NECAB3: variants seen among roughly 807,000 people sequenced by gnomAD.
NECAB3 encodes N-terminal EF-hand calcium-binding protein 3.
Under a neutral mutation model 57.2 loss-of-function variants are expected in NECAB3, and 38 were observed. The ratio of observed to expected loss-of-function variants is 0.66; its 90% confidence interval spans 0.51 to 0.87. NECAB3 has a LOEUF of 0.87. NECAB3 is among the 40% of genes least tolerant of loss of function. NECAB3 has a pLI of 0.00. For missense variants in NECAB3, 474 were observed against 527.5 expected (o/e 0.90, Z 0.99); for synonymous variants, 223 against 222.6 (o/e 1.00, Z -0.02).
rs531741233 is a variant in NECAB3, at chr20:33,667,459, G to A, written c.387+1916C>T. 477 of 1,431,152 alleles carry A rather than the reference G, an allele frequency of 3.3e-4. 13 individuals carry two copies. In the Admixed American group the frequency reaches 0.013, roughly 40 times the overall value. The allele number at this position is 1,431,152 out of a possible 1,614,324, so 88.7% of individuals were successfully genotyped here. On this transcript the variant is annotated intron_variant, in intron 5 of 11. Transcript: ENST00000246190. ...GCCCGCGGGCCGCGAAAGGGTGGCG[G>A]AGCTGCTGTTCGAGACCCTGGCAGT...
At chr20:33,662,154 C>T in intron 5 of NECAB3, 1 of 658,136 alleles carries the variant, frequency 1.5e-6, no homozygotes, top group Non-Finnish European at 2.6e-6. Flanking sequence ...TGATCATTAG[C>T]CCAGTTTTAC....
intron 8 of NECAB3, 59 bp from the exon 9 acceptor site, chr20:33,658,893 T>C: frequency 2.4e-6 from 3 of 1,260,922 alleles, no homozygotes; most frequent in Non-Finnish European, 3.4e-6. Context: ...AGGGACTGGC[T>C]GTGGCCTCCA....
rs1249932785 is a variant in NECAB3 at position 33,658,470 on chromosome 20, C to A, written c.1070+7G>T. The A allele has an allele frequency of 1.2e-6, 2 of 1,613,762 alleles. No homozygotes were observed. The highest frequency in any genetic ancestry group is 2.2e-5 in the South Asian group (2 of 91,064). The stretch of plus-strand genomic sequence containing the variant: ...CATGGTGTTAGCGGCCAGACTGGCA[C>A]TCATACCTTCTCCAGGAGGCCTCAT... On this transcript the variant is annotated splice_region_variant and intron_variant, in intron 10 of 11. Transcript: ENST00000246190.
intron 5 of NECAB3, chr20:33,662,416 T>A: frequency 1.3e-6 from 2 of 1,551,602 alleles, no homozygotes; most frequent in Non-Finnish European, 1.7e-6. Flanking sequence ...CCGGCTGACA[T>A]GGACAAGGCC....
At position 33,658,611 on chromosome 20, in the gene NECAB3, C is replaced by T. The variant is rs574285618; in HGVS notation, c.993-57G>A. ...CAGGGCTGCCACCACCTCTGCCTCC[C>T]CGGCCTGGGGCCTCATGGGAACCCT... On this transcript the variant is annotated intron_variant, in intron 9 of 11. Transcript: ENST00000246190. 20 of 1,608,364 alleles carry T rather than the reference C, an allele frequency of 1.2e-5. No individual in the cohort carries two copies. In the South Asian group the frequency reaches 1.5e-4, roughly 12 times the overall value.
intron 5 of NECAB3, chr20:33,668,053 C>T: frequency 6.4e-7 from 1 of 1,560,886 alleles, no homozygotes; most frequent in Non-Finnish European, 8.7e-7. Context: ...GCTGGAGGCG[C>T]AGTGCCGGCG....
At position 33,670,797 on chromosome 20, in the gene NECAB3, G is replaced by A. The variant is rs746941179; in HGVS notation, c.155-5C>T. ...CAAATGAGAGCTTCCCATCATCTGGGGTGGCAGGGGGAGGACAGGGAGCAG... is the reference window on the plus strand; with the variant it reads ...CAAATGAGAGCTTCCCATCATCTGGAGTGGCAGGGGGAGGACAGGGAGCAG... On this transcript the variant is annotated splice_region_variant and splice_polypyrimidine_tract_variant and intron_variant, in intron 2 of 11. Transcript: ENST00000246190. 1.9e-6 allele frequency: 3 copies of A among 1,609,838 alleles called. No individual in the cohort carries two copies. The highest frequency in any genetic ancestry group is 2.5e-6 in the Non-Finnish European group (3 of 1,176,486).
rs2626541 is a variant in NECAB3 at position 33,670,474 on chromosome 20, C to T, written c.263+210G>A. 3.3e-3 allele frequency: 1,505 copies of T among 456,616 alleles called. 15 individuals carry two copies. The highest frequency in any genetic ancestry group is 0.027 in the African/African-American group (1,357 of 49,890). The allele number at this position is 456,616 out of a possible 1,614,324, so 28.3% of individuals were successfully genotyped here. A position where few individuals can be genotyped will look rare whatever the true frequency, so the allele number is the denominator to read the frequency against. On this transcript the variant is annotated intron_variant, in intron 3 of 11. Coordinates refer to ENST00000246190, the MANE Select transcript of NECAB3 (RefSeq NM_031232.4). ...GCCATGGGTGGTGACTCAGACTTGG[C>T]TATTTTGGGGTCCCAGCTGGAAGCA...
At chr20:33,665,810 C>T (rs1358604819) in intron 5 of NECAB3, among the ~76,000 whole-genome samples, 3 of 152,134 alleles carry the variant, frequency 2.0e-5, no homozygotes, top group South Asian at 2.1e-4. Context: ...TTGCTGGGTG[C>T]GGTGGCTCAC....
At chr20:33,669,748 G>A (rs1300868758) in intron 3 of NECAB3, 36 bp from the exon 4 acceptor site, 9 of 1,558,472 alleles carry the variant, frequency 5.8e-6, no homozygotes, top group African/African-American at 1.4e-5. Flanking sequence ...TCAGACCTGG[G>A]CCTGGTAAAC....
At position 33,659,732 on chromosome 20, in the gene NECAB3, C is replaced by T; in HGVS notation, c.644G>A (p.Gly215Glu). The change falls in exon 8 of 12, where the codon GGG becomes GAG. Residue 215 changes from glycine to glutamate, a missense_variant and splice_region_variant. Gly to Glu is a moderately conservative substitution (Grantham distance 98, BLOSUM62 -2). Coordinates refer to ENST00000246190, the MANE Select transcript of NECAB3 (RefSeq NM_031232.4). ...CTGCATCTCGGCCTCTGAGCTGCGC[C>T]CTGTGTGTGGGGCCCGTGCAGGGTC... Reference protein sequence around the residue: ...STWSPGSSDTGRSSEAEMQWR... With the variant: ...STWSPGSSDTERSSEAEMQWR... The T allele has an allele frequency of 1.3e-6, 2 of 1,593,392 alleles. No individual in the cohort carries two copies. Among genetic ancestry groups the T allele is most frequent in the Non-Finnish European group, 1.7e-6 (2 of 1,173,340 alleles).
intron 9 of NECAB3, 80 bp downstream of exon 9, chr20:33,658,642 A>G (rs1451185779): frequency 6.3e-7 from 1 of 1,596,212 alleles, no homozygotes; most frequent in African/African-American, 1.3e-5. Flanking sequence ...ACCCTGACCC[A>G]CCCAGGATGG....
chr20:33,659,269 G>A (rs951648078), intron 8 of NECAB3, among the ~76,000 whole-genome samples: 2 of 152,180 alleles, frequency 1.3e-5, no homozygotes, highest in African/African-American at 2.4e-5. Flanking sequence ...TCCAGCTTCC[G>A]TCCACACTGC....
chr20:33,668,784 G>A (rs986544747), intron 5 of NECAB3, among the ~76,000 whole-genome samples: 3 of 152,254 alleles, frequency 2.0e-5, no homozygotes, highest in African/African-American at 7.2e-5. Context: ...ATGGAGCAAA[G>A]GGAGGTGGAG....
chr20:33,657,786 AG>A lies in NECAB3; in HGVS notation c.*42del, dbSNP rs948085672. ...GGCCAGTCCAGAAGGCTCCAGAGGGAGGCAGGCAGGGTCCCGGGGCCCTCGG... is the reference window on the plus strand; with the variant it reads ...GGCCAGTCCAGAAGGCTCCAGAGGGAGCAGGCAGGGTCCCGGGGCCCTCGG... On this transcript the variant is annotated 3_prime_UTR_variant, in exon 12 of 12. Coordinates refer to ENST00000246190, the MANE Select transcript of NECAB3 (RefSeq NM_031232.4). The A allele has an allele frequency of 6.7e-7, 1 of 1,496,190 alleles. No individual in the cohort carries two copies. Among genetic ancestry groups the A allele is most frequent in the African/African-American group, 1.4e-5 (1 of 71,642 alleles). The allele number at this position is 1,496,190 out of a possible 1,614,324, so 92.7% of individuals were successfully genotyped here.
intron 5 of NECAB3, chr20:33,666,507 C>G (rs1293747097): frequency 6.6e-6 from 1 of 152,386 alleles, no homozygotes; most frequent in East Asian, 1.9e-4. Flanking sequence ...CCAGGAACTT[C>G]CGTCAAGCCC....
chr20:33,659,538 C>T lies in NECAB3; in HGVS notation c.838G>A (p.Glu280Lys). Residue 280 changes from glutamate to lysine, a missense_variant, in exon 8 of 12, where the codon GAA (glutamate) becomes AAA (lysine). Physicochemically the swap from Glu to Lys is moderately conservative, Grantham distance 56. Coordinates refer to ENST00000246190, the MANE Select transcript of NECAB3 (RefSeq NM_031232.4). The part of the protein sequence containing the change: ...HSVPSQAPRL[E>K]PLREEDLAKG... Reference sequence around the variant, plus strand: ...GCCAGGTCCTCTTCACGCAGGGGTTCCAGCCGGGGGGCCTGTGAGGGCACA... The same window carrying T: ...GCCAGGTCCTCTTCACGCAGGGGTTTCAGCCGGGGGGCCTGTGAGGGCACA... The T allele has an allele frequency of 2.6e-6, 4 of 1,544,422 alleles. No homozygotes were observed. Among genetic ancestry groups the T allele is most frequent in the Non-Finnish European group, 3.5e-6 (4 of 1,140,888 alleles).
At chr20:33,663,949 G>A (rs1356284093) in intron 5 of NECAB3, 10 of 1,251,144 alleles carry the variant, frequency 8.0e-6, no homozygotes, top group Non-Finnish European at 4.2e-6. Context: ...TCTGGGCGCG[G>A]AGTCGGGGTG....
intron 5 of NECAB3, chr20:33,668,152 C>A: frequency 6.2e-7 from 1 of 1,612,742 alleles, no homozygotes. Context: ...GGTGGCCTCC[C>A]TGCACTCCTT....
Sources: gnomAD v4.1 joint callset for allele counts (sites outside exome capture counted in the v4.1 genomes callset) on GRCh38, gnomAD v4.1.1 for gene constraint, MANE v1.5 for transcripts, NCBI Gene and HGNC (gene_info 2026-07-23, HGNC 2026-07-21) for gene names.